Variants in GMDS observed in about 807,000 individuals in gnomAD.
GMDS encodes the protein GDP-mannose 4,6 dehydratase.
A neutral mutation model predicts 49.9 loss-of-function variants in GMDS; 20 were observed. The ratio of observed to expected loss-of-function variants is 0.40; its 90% confidence interval spans 0.28 to 0.58. The LOEUF (loss-of-function observed/expected upper bound fraction) is 0.58, where lower values mean the gene tolerates loss of function less well. GMDS is among the 20% of genes least tolerant of loss of function. The probability of loss-of-function intolerance (pLI) is 0.42; values close to 1 mark genes in which losing one functional copy is unlikely to be tolerated. For missense variants in GMDS, 362 were observed against 481.4 expected, an observed-to-expected ratio of 0.75 and a Z score of 2.32; for synonymous variants, 177 against 178.6, an observed-to-expected ratio of 0.99 and a Z score of 0.07.
intron 1 of GMDS, among the ~76,000 whole-genome samples, chr6:2,202,849 G>C (rs1002749376): frequency 6.6e-6 from 1 of 152,188 alleles, no homozygotes; most frequent in Non-Finnish European, 1.5e-5. Flanking sequence ...CGGAAACAAA[G>C]AAGGTTCCAG....
chr6:1,655,475 TTACACACACACACACACACA>T lies in GMDS; in HGVS notation c.988-30955_988-30936del, dbSNP rs1370119403. ...GTTTTTTTCCTTACGTTTGAAAGCCTTACACACACACACACACACATACACACACACACACACACACACAT... is the reference window on the plus strand; with the variant it reads ...GTTTTTTTCCTTACGTTTGAAAGCCTTACACACACACACACACACACACAT... On this transcript the variant is annotated intron_variant, in intron 9 of 10. Coordinates refer to ENST00000380815, the MANE Select transcript of GMDS (RefSeq NM_001500.4). Among the ~76,000 whole-genome samples the T allele has an allele frequency of 2.1e-4, 21 of 100,024 alleles. No individual in the cohort carries two copies. In the East Asian group the frequency reaches 4.3e-3, roughly 21 times the overall value. The allele number at this position is 100,024 out of a possible 152,430, so 65.6% of individuals were successfully genotyped here.
chr6:1,879,256 T>C (rs1759247996), intron 7 of GMDS, among the ~76,000 whole-genome samples: 1 of 152,178 alleles, frequency 6.6e-6, no homozygotes, highest in Admixed American at 6.5e-5. Flanking sequence ...AATATTTACA[T>C]ACAAGTGAGG....
intron 7 of GMDS, among the ~76,000 whole-genome samples, chr6:1,749,898 C>T (rs1210259984): frequency 2.0e-5 from 3 of 152,130 alleles, no homozygotes; most frequent in Admixed American, 6.5e-5. Context: ...GTGGCATGAT[C>T]GTAGCTCACT....
intron 4 of GMDS, 48 bp from the exon 5 acceptor site, chr6:1,961,014 C>CCTTTGTGCTATG: frequency 8.6e-7 from 1 of 1,156,942 alleles, no homozygotes; most frequent in Non-Finnish European, 1.2e-6. Flanking sequence ...CTTCATAGCA[C>CCTTTGTGCTATG]AAAGGTGCTG....
chr6:1,799,569 C>G (rs1415332363), intron 7 of GMDS, among the ~76,000 whole-genome samples: 1 of 152,134 alleles, frequency 6.6e-6, no homozygotes, highest in Non-Finnish European at 1.5e-5. Flanking sequence ...GCTTTTCCTT[C>G]CCTACTTTCT....
chr6:1,691,335 C>G (rs1022919145), intron 9 of GMDS, among the ~76,000 whole-genome samples: 1 of 151,442 alleles, frequency 6.6e-6, no homozygotes, highest in East Asian at 1.9e-4. Context: ...CGGGGAGGGG[C>G]ACACACACTG....
intron 4 of GMDS, among the ~76,000 whole-genome samples, chr6:2,105,965 A>C (rs1275105324): frequency 6.6e-6 from 1 of 152,226 alleles, no homozygotes; most frequent in Non-Finnish European, 1.5e-5. Flanking sequence ...TTTCTAAAGA[A>C]TCAGTCTCTT....
intron 4 of GMDS, among the ~76,000 whole-genome samples, chr6:2,063,902 G>C (rs1771347683): frequency 6.6e-6 from 1 of 152,152 alleles, no homozygotes; most frequent in South Asian, 2.1e-4. Flanking sequence ...TAAAAGAACA[G>C]CAATAAATAA....
At chr6:1,852,839 T>C (rs1401213170) in intron 7 of GMDS, among the ~76,000 whole-genome samples, 2 of 151,906 alleles carry the variant, frequency 1.3e-5, no homozygotes, top group Admixed American at 1.3e-4. Flanking sequence ...CCTGAGTAGC[T>C]GGGATTTCAG....
At chr6:1,692,451 T>C (rs1765206336) in intron 9 of GMDS, among the ~76,000 whole-genome samples, 1 of 152,226 alleles carries the variant, frequency 6.6e-6, no homozygotes, top group Non-Finnish European at 1.5e-5. Context: ...GTAGTTTTCA[T>C]GAAATTTGGA....
chr6:2,194,592 A>C (rs1290256002), intron 1 of GMDS, among the ~76,000 whole-genome samples: 3 of 152,226 alleles, frequency 2.0e-5, no homozygotes, highest in Non-Finnish European at 4.4e-5. Flanking sequence ...AACAAATTTC[A>C]ATTTTTATAT....
At chr6:2,185,863 C>A (rs746204998) in intron 1 of GMDS, among the ~76,000 whole-genome samples, 1 of 152,174 alleles carries the variant, frequency 6.6e-6, no homozygotes, top group Non-Finnish European at 1.5e-5. Flanking sequence ...AGAATATGCT[C>A]ACATTCCTTC....
intron 4 of GMDS, among the ~76,000 whole-genome samples, chr6:2,050,243 C>A (rs928321667): frequency 3.9e-5 from 6 of 152,096 alleles, no homozygotes; most frequent in Non-Finnish European, 7.4e-5. Context: ...AGAATACTAT[C>A]AACACCTCTA....
intron 7 of GMDS, among the ~76,000 whole-genome samples, chr6:1,850,918 C>T (rs766059797): frequency 3.9e-5 from 6 of 152,232 alleles, no homozygotes; most frequent in Admixed American, 6.5e-5. Flanking sequence ...CTCCCTCTAA[C>T]TCCCGTCTCT....
intron 1 of GMDS, among the ~76,000 whole-genome samples, chr6:2,244,322 A>T (rs1164457865): frequency 2.6e-5 from 4 of 152,150 alleles, no homozygotes; most frequent in Non-Finnish European, 5.9e-5. Flanking sequence ...AGAGTTTGTT[A>T]TGAGAACTAA....
intron 4 of GMDS, among the ~76,000 whole-genome samples, chr6:2,114,299 T>A (rs1377835976): frequency 6.6e-6 from 1 of 152,220 alleles, no homozygotes; most frequent in Non-Finnish European, 1.5e-5. Flanking sequence ...CTGTTTTGTC[T>A]GGAAGATACT....
intron 8 of GMDS, among the ~76,000 whole-genome samples, chr6:1,741,766 C>G (rs575126141): frequency 1.6e-5 from 2 of 126,334 alleles, no homozygotes; most frequent in East Asian, 2.5e-4. Flanking sequence ...GAGCCAAGAT[C>G]GCACCACTGC....
chr6:1,677,173 G>A (rs559931277), intron 9 of GMDS, among the ~76,000 whole-genome samples: 33 of 152,304 alleles, frequency 2.2e-4, no homozygotes, highest in African/African-American at 7.2e-4. Context: ...ACAGACACAT[G>A]AAAAAATGCT....
intron 6 of GMDS, among the ~76,000 whole-genome samples, chr6:1,947,370 T>C (rs1763120562): frequency 6.6e-6 from 1 of 152,206 alleles, no homozygotes; most frequent in Non-Finnish European, 1.5e-5. Context: ...ACAAATTAAC[T>C]GTTAGGGTCA....
Sources: allele counts gnomAD v4.1 joint callset (sites outside exome capture counted in the v4.1 genomes callset), GRCh38; gene constraint gnomAD v4.1.1; transcripts MANE v1.5; gene names NCBI Gene and HGNC (gene_info 2026-07-23, HGNC 2026-07-21).